Variants in CNTNAP3B observed in about 807,000 individuals in gnomAD.
CNTNAP3B encodes contactin-associated protein-like 3B.
CNTNAP3B carries 25 observed loss-of-function variants against 108.9 expected under a neutral mutation model. The observed-to-expected ratio is 0.23, with a 90% CI of 0.17 to 0.32. The LOEUF (loss-of-function observed/expected upper bound fraction) is 0.32, where lower values mean the gene tolerates loss of function less well. Ranked by LOEUF, CNTNAP3B falls within the 10% of genes least tolerant of loss-of-function variation. The probability of loss-of-function intolerance (pLI) is 1.00; values close to 1 mark genes in which losing one functional copy is unlikely to be tolerated. For missense variants in CNTNAP3B, 252 were observed against 1,210.4 expected, an observed-to-expected ratio of 0.21 and a Z score of 11.75; for synonymous variants, 103 against 473.4, an observed-to-expected ratio of 0.22 and a Z score of 10.16.
At chr9:42,124,595 A>G (rs1366314799) in intron 1 of CNTNAP3B, among the ~76,000 whole-genome samples, 3 of 128,222 alleles carry the variant, frequency 2.3e-5, no homozygotes, top group Non-Finnish European at 4.9e-5. Flanking sequence ...ACGTGGAGCA[A>G]CCGGGCCTAG....
chr9:41,961,777 G>T (rs1234813533), intron 11 of CNTNAP3B, among the ~76,000 whole-genome samples: 1 of 152,296 alleles, frequency 6.6e-6, no homozygotes, highest in East Asian at 1.9e-4. Context: ...TTTTTTGAAA[G>T]ATATCCCTAT....
intron 1 of CNTNAP3B, among the ~76,000 whole-genome samples, chr9:42,118,337 C>G (rs1340485979): frequency 7.2e-6 from 1 of 139,400 alleles, no homozygotes; most frequent in Non-Finnish European, 1.5e-5. Flanking sequence ...CATGATCAAG[C>G]GGGCTTCAGC....
intron 11 of CNTNAP3B, among the ~76,000 whole-genome samples, chr9:41,961,810 T>A (rs1314477633): frequency 6.6e-6 from 1 of 152,302 alleles, no homozygotes; most frequent in South Asian, 2.1e-4. Context: ...TACTCTAGCA[T>A]AATTGAATAT....
At chr9:42,114,996 G>A (rs1828280902) in intron 1 of CNTNAP3B, among the ~76,000 whole-genome samples, 1 of 137,280 alleles carries the variant, frequency 7.3e-6, no homozygotes, top group African/African-American at 2.9e-5. Flanking sequence ...GGAGGTTGCA[G>A]TGAGCCAAGA....
chr9:41,958,370 A>T (rs1478653666), intron 12 of CNTNAP3B, among the ~76,000 whole-genome samples: 2 of 152,292 alleles, frequency 1.3e-5, no homozygotes, highest in African/African-American at 4.8e-5. Context: ...CTGGTCTCAA[A>T]ACTGGTCTAA....
At chr9:42,099,419 G>T (rs1185597050) in intron 2 of CNTNAP3B, among the ~76,000 whole-genome samples, 3 of 134,846 alleles carry the variant, frequency 2.2e-5, no homozygotes, top group Non-Finnish European at 4.7e-5. Flanking sequence ...ATCTCTTCAG[G>T]TGAGAAGCTA....
intron 11 of CNTNAP3B, among the ~76,000 whole-genome samples, chr9:41,961,517 T>C (rs1825090902): frequency 6.6e-6 from 1 of 152,304 alleles, no homozygotes; most frequent in African/African-American, 2.4e-5. Flanking sequence ...CCTAAGCACA[T>C]TAAAAGGCCT....
intron 11 of CNTNAP3B, among the ~76,000 whole-genome samples, chr9:41,961,900 T>C (rs1490020249): frequency 9.8e-5 from 15 of 152,298 alleles, no homozygotes; most frequent in African/African-American, 3.6e-4. Flanking sequence ...TGCTAATCTT[T>C]ATTTTTGTGC....
chr9:42,125,808 G>C (rs1189342015), intron 1 of CNTNAP3B, among the ~76,000 whole-genome samples: 1 of 131,806 alleles, frequency 7.6e-6, no homozygotes, highest in Non-Finnish European at 1.6e-5. Context: ...AGTAGAGGCA[G>C]GGTTTCACCG....
At chr9:41,964,893 C>T (rs1472345266) in intron 10 of CNTNAP3B, among the ~76,000 whole-genome samples, 1 of 152,258 alleles carries the variant, frequency 6.6e-6, no homozygotes, top group Non-Finnish European at 1.5e-5. Context: ...TTTTCTTTGT[C>T]CCAAGTGACA....
rs1823736344 is a variant in CNTNAP3B at position 41,923,908 on chromosome 9, G to A, written c.2536+15C>T. On this transcript the variant is annotated intron_variant, in intron 16 of 23. Coordinates refer to ENST00000377561, the MANE Select transcript of CNTNAP3B (RefSeq NM_001201380.3). ...TAATGGGTACCCTGTGACTTGTCCA[G>A]AGTGGCCAGCCTACCCCGCAGCTCA... is the stretch of plus-strand genomic sequence containing the variant. The A allele has an allele frequency of 6.2e-7, 1 of 1,611,910 alleles. No individual in the cohort carries two copies. Among genetic ancestry groups the A allele is most frequent in the Non-Finnish European group, 8.5e-7 (1 of 1,179,836 alleles).
chr9:42,041,939 A>C (rs891956296), intron 3 of CNTNAP3B, among the ~76,000 whole-genome samples: 24 of 138,770 alleles, frequency 1.7e-4, no homozygotes, highest in Non-Finnish European at 3.1e-4. Flanking sequence ...CTTTGTAGGG[A>C]CATGGATGAA....
intron 3 of CNTNAP3B, among the ~76,000 whole-genome samples, chr9:42,066,439 T>TC (rs1827266178): frequency 1.9e-5 from 2 of 107,904 alleles, no homozygotes; most frequent in African/African-American, 7.3e-5. Flanking sequence ...TTTTTTTTTT[T>TC]TTTTGAGACA....
intron 15 of CNTNAP3B, among the ~76,000 whole-genome samples, chr9:41,924,827 G>C (rs1023966062): frequency 6.6e-6 from 1 of 152,402 alleles, no homozygotes; most frequent in South Asian, 2.1e-4. Context: ...TTCTGGTACA[G>C]TGTGTGAGTC....
intron 3 of CNTNAP3B, among the ~76,000 whole-genome samples, chr9:42,075,575 A>G (rs1224177618): frequency 8.2e-6 from 1 of 122,486 alleles, no homozygotes; most frequent in Non-Finnish European, 1.7e-5. Context: ...AAATTGGCAA[A>G]TGACATTGCC....
intron 18 of CNTNAP3B, among the ~76,000 whole-genome samples, chr9:41,918,664 A>G (rs1000201665): frequency 2.1e-5 from 3 of 141,758 alleles, no homozygotes; most frequent in African/African-American, 8.3e-5. Flanking sequence ...TACTTACCAT[A>G]TAACGTCTAT....
At chr9:41,962,823 C>G (rs534308679) in intron 11 of CNTNAP3B, among the ~76,000 whole-genome samples, 2 of 152,184 alleles carry the variant, frequency 1.3e-5, no homozygotes, top group Non-Finnish European at 2.9e-5. Context: ...GGCGTGGTGG[C>G]GGGCGCCTGT....
Position 42,028,946 on chromosome 9 carries a change from G to A in CNTNAP3B, c.391-15421C>T, listed in dbSNP as rs1264670610. Among the ~76,000 whole-genome samples, 4 of 151,812 alleles carry A rather than the reference G, an allele frequency of 2.6e-5. No homozygotes were observed. In the South Asian group the frequency reaches 8.3e-4, roughly 31 times the overall value. On this transcript the variant is annotated intron_variant, in intron 3 of 23. Transcript: ENST00000377561. ...ATTAAAATTTTTTTGGCATTTAAAT[G>A]AGTCGGCAATATTGCTAAACCAAAA...
chr9:42,125,684 T>G (rs932995217), intron 1 of CNTNAP3B, among the ~76,000 whole-genome samples: 6 of 135,248 alleles, frequency 4.4e-5, no homozygotes, highest in Admixed American at 3.7e-4. Flanking sequence ...TTTTTGTTTT[T>G]TTTTGAGACA....
Sources: gnomAD v4.1 joint callset for allele counts (sites outside exome capture counted in the v4.1 genomes callset) on GRCh38, gnomAD v4.1.1 for gene constraint, MANE v1.5 for transcripts, NCBI Gene and HGNC (gene_info 2026-07-23, HGNC 2026-07-21) for gene names.